The following ALCAM variants were observed in gnomAD, a reference collection of about 807,000 sequenced individuals.
The protein encoded by ALCAM is CD166 antigen.
ALCAM carries 30 observed loss-of-function variants against 70.9 expected under a neutral mutation model. The observed-to-expected ratio is 0.42, with a 90% CI of 0.32 to 0.57. The LOEUF (loss-of-function observed/expected upper bound fraction) is 0.57. Among genes scored for constraint, ALCAM ranks in the 20% least tolerant of loss-of-function variants. The pLI is 0.11. For synonymous variants in ALCAM, 249 were observed against 242.5 expected, an observed-to-expected ratio of 1.03 and a Z score of -0.25; for missense variants, 591 against 695.1, an observed-to-expected ratio of 0.85 and a Z score of 1.68.
intron 1 of ALCAM, among the ~76,000 whole-genome samples, chr3:105,393,379 T>C (rs1207989555): frequency 2.6e-5 from 4 of 151,784 alleles, no homozygotes; most frequent in African/African-American, 9.7e-5. Flanking sequence ...AATTTATACA[T>C]GTTATGGCGA....
intron 14 of ALCAM, among the ~76,000 whole-genome samples, chr3:105,563,663 A>ATTTTTTTT (rs1940677356): frequency 6.9e-5 from 5 of 72,544 alleles, no homozygotes; most frequent in Admixed American, 1.6e-4. Flanking sequence ...AATTCCAAGC[A>ATTTTTTTT]TTTCTTTTTT....
At chr3:105,386,706 G>GT (rs1160924576) in intron 1 of ALCAM, among the ~76,000 whole-genome samples, 4 of 151,074 alleles carry the variant, frequency 2.6e-5, no homozygotes, top group African/African-American at 9.7e-5. Context: ...TGAATTGAAG[G>GT]TTTTTTCATT....
intron 1 of ALCAM, among the ~76,000 whole-genome samples, chr3:105,400,348 T>G (rs1271733824): frequency 6.6e-6 from 1 of 152,200 alleles, no homozygotes; most frequent in Non-Finnish European, 1.5e-5. Flanking sequence ...AATATGTCAT[T>G]TAACTTATAA....
intron 1 of ALCAM, among the ~76,000 whole-genome samples, chr3:105,472,302 T>A (rs1018917142): frequency 6.6e-6 from 1 of 151,514 alleles, no homozygotes; most frequent in African/African-American, 2.4e-5. Context: ...AAATCACTAA[T>A]ACCTGAGAAG....
chr3:105,473,477 A>G (rs774315909), intron 1 of ALCAM, among the ~76,000 whole-genome samples: 6 of 151,492 alleles, frequency 4.0e-5, no homozygotes, highest in Non-Finnish European at 7.4e-5. Context: ...TGTCCTTTTT[A>G]TCTTCCACTT....
At chr3:105,565,320 T>C (rs1326596491) in intron 14 of ALCAM, among the ~76,000 whole-genome samples, 1 of 152,212 alleles carries the variant, frequency 6.6e-6, no homozygotes, top group Non-Finnish European at 1.5e-5. Context: ...CAATTTTTAT[T>C]GCCTTTACTG....
intron 14 of ALCAM, among the ~76,000 whole-genome samples, chr3:105,561,865 A>G (rs1940637053): frequency 6.6e-6 from 1 of 152,202 alleles, no homozygotes; most frequent in South Asian, 2.1e-4. Flanking sequence ...GTCCTCAGGA[A>G]TACATTATTC....
intron 1 of ALCAM, among the ~76,000 whole-genome samples, chr3:105,517,529 C>T (rs1316486833): frequency 6.6e-6 from 1 of 152,062 alleles, no homozygotes; most frequent in East Asian, 1.9e-4. Context: ...TTTTACTTTA[C>T]GGTCATCACA....
intron 1 of ALCAM, among the ~76,000 whole-genome samples, chr3:105,510,303 C>T (rs1044169740): frequency 5.3e-5 from 8 of 152,034 alleles, no homozygotes; most frequent in Admixed American, 5.3e-4. Flanking sequence ...ATAATCAGCC[C>T]TCATAGGAGT....
intron 3 of ALCAM, 164 bp downstream of exon 3, chr3:105,524,672 G>A (rs1406604240): frequency 6.8e-6 from 9 of 1,330,960 alleles, no homozygotes. Flanking sequence ...TATCAGCAAA[G>A]AAAACAAAGA....
At chr3:105,412,802 G>T (rs1401341565) in intron 1 of ALCAM, among the ~76,000 whole-genome samples, 1 of 151,972 alleles carries the variant, frequency 6.6e-6, no homozygotes, top group Non-Finnish European at 1.5e-5. Flanking sequence ...AATACATAAT[G>T]TTCATCCAAA....
Position 105,573,408 on chromosome 3 carries a change from A to C in ALCAM, c.*26-1069A>C, listed in dbSNP as rs548913845. Among the ~76,000 whole-genome samples, 75 of 152,346 alleles carry C rather than the reference A, an allele frequency of 4.9e-4. 2 individuals are homozygous for C. The South Asian group carries it at 0.015, about 31-fold the overall frequency. On this transcript the variant is annotated intron_variant, in intron 15 of 15. Coordinates refer to ENST00000306107, the MANE Select transcript of ALCAM (RefSeq NM_001627.4). ...AGTGTATTTATACAGCCAATATCCC[A>C]AATCATTTTAATGAAAAGCATAACA... is the stretch of plus-strand genomic sequence containing the variant.
intron 1 of ALCAM, among the ~76,000 whole-genome samples, chr3:105,495,451 C>T (rs201517818): frequency 6.8e-6 from 1 of 147,712 alleles, no homozygotes; most frequent in Non-Finnish European, 1.5e-5. Flanking sequence ...AAAAAAAAAA[C>T]AAAACAAAAC....
chr3:105,382,947 G>C (rs1935564197), intron 1 of ALCAM, among the ~76,000 whole-genome samples: 1 of 151,692 alleles, frequency 6.6e-6, no homozygotes. Context: ...AGCATTTAAA[G>C]TTTTTCTTAC....
At chr3:105,471,574 G>A (rs939086544) in intron 1 of ALCAM, among the ~76,000 whole-genome samples, 7 of 145,860 alleles carry the variant, frequency 4.8e-5, no homozygotes, top group African/African-American at 1.0e-4. Flanking sequence ...GATCAGCTGC[G>A]AAGTAATAAG....
chr3:105,455,994 G>A (rs759937579), intron 1 of ALCAM, among the ~76,000 whole-genome samples: 1 of 152,148 alleles, frequency 6.6e-6, no homozygotes, highest in African/African-American at 2.4e-5. Context: ...CATGAGAATC[G>A]CTCGAGCCTG....
intron 3 of ALCAM, among the ~76,000 whole-genome samples, chr3:105,526,583 G>A (rs1939712266): frequency 6.6e-6 from 1 of 152,136 alleles, no homozygotes. Context: ...ACATAGACAA[G>A]TTACACACTC....
rs796217636 is a variant in ALCAM, at chr3:105,530,645, G to T, written c.395-1357G>T. On this transcript the variant is annotated intron_variant, in intron 3 of 15. Coordinates refer to ENST00000306107, the MANE Select transcript of ALCAM (RefSeq NM_001627.4). ...CATCATTGTGAAAATTGTATTTGTG[G>T]AATTATATTTCTAGAATTAATAGTT... 8.5e-5 allele frequency among the ~76,000 whole-genome samples: 13 copies of T among 152,072 alleles called. 1 individual carries two copies. The highest frequency in any genetic ancestry group is 3.1e-4 in the African/African-American group (13 of 41,546).
At chr3:105,460,616 TC>T (rs1937589536) in intron 1 of ALCAM, among the ~76,000 whole-genome samples, 1 of 151,950 alleles carries the variant, frequency 6.6e-6, no homozygotes, top group Admixed American at 6.6e-5. Flanking sequence ...GGGTACACTT[TC>T]TTCAAGTGAA....
Sources: allele counts gnomAD v4.1 joint callset (sites outside exome capture counted in the v4.1 genomes callset), GRCh38; gene constraint gnomAD v4.1.1; transcripts MANE v1.5; gene names NCBI Gene and HGNC (gene_info 2026-07-23, HGNC 2026-07-21).